Variants in PPARGC1A observed in about 807,000 individuals in gnomAD.
PPARGC1A encodes the protein peroxisome proliferator-activated receptor gamma coactivator 1-alpha.
Under a neutral mutation model 88.7 loss-of-function variants are expected in PPARGC1A, and 25 were observed. The ratio of observed to expected loss-of-function variants is 0.28; its 90% CI spans 0.21 to 0.39. The LOEUF is 0.39. Ranked by LOEUF, PPARGC1A falls within the 10% of genes least tolerant of loss-of-function variation. PPARGC1A has a pLI of 1.00. For missense variants in PPARGC1A, 880 were observed against 968.7 expected (o/e 0.91, Z 1.22); for synonymous variants, 363 against 355.6 (o/e 1.02, Z -0.24).
chr4:24,242,230 C>T, the PPARGC1A span, among the ~76,000 whole-genome samples: 1 of 152,198 alleles, frequency 6.6e-6, no homozygotes, highest in Non-Finnish European at 1.5e-5. Context: ...CCACTCAAGG[C>T]TCCCTTCAGA....
intron 2 of PPARGC1A, among the ~76,000 whole-genome samples, chr4:23,864,418 A>C (rs1037249175): frequency 3.3e-5 from 5 of 152,216 alleles, no homozygotes; most frequent in African/African-American, 9.6e-5. Context: ...TACACAGCAG[A>C]TGCTGAAAAA....
At chr4:24,270,716 T>G in the PPARGC1A span, among the ~76,000 whole-genome samples, 1 of 152,224 alleles carries the variant, frequency 6.6e-6, no homozygotes. Flanking sequence ...GCCGAAGATA[T>G]CCACTGATTG....
the PPARGC1A span, among the ~76,000 whole-genome samples, chr4:24,011,975 G>A: frequency 6.6e-6 from 1 of 152,110 alleles, no homozygotes; most frequent in East Asian, 1.9e-4. Context: ...TACCTAAAAT[G>A]CAACCCAGCA....
chr4:24,064,454 T>TGAGGGGGA, the PPARGC1A span, among the ~76,000 whole-genome samples: 3 of 151,916 alleles, frequency 2.0e-5, no homozygotes, highest in Non-Finnish European at 2.9e-5. Flanking sequence ...CACCACAGGC[T>TGAGGGGGA]GAGGGGGAAA....
the PPARGC1A span, among the ~76,000 whole-genome samples, chr4:24,393,257 G>A: frequency 1.3e-5 from 2 of 152,290 alleles, no homozygotes; most frequent in Non-Finnish European, 2.9e-5. Flanking sequence ...GAGATCTGCA[G>A]GAGGAGGGGA....
At chr4:24,133,865 G>A in the PPARGC1A span, among the ~76,000 whole-genome samples, 1 of 152,150 alleles carries the variant, frequency 6.6e-6, no homozygotes, top group African/African-American at 2.4e-5. Context: ...AGAATAAGGA[G>A]CAAACTTGAG....
chr4:24,066,347 C>A, the PPARGC1A span, among the ~76,000 whole-genome samples: 1 of 152,030 alleles, frequency 6.6e-6, no homozygotes, highest in Non-Finnish European at 1.5e-5. Flanking sequence ...ACAACAATGA[C>A]AAAAAGTTAA....
chr4:23,976,800 A>G, the PPARGC1A span, among the ~76,000 whole-genome samples: 1 of 152,198 alleles, frequency 6.6e-6, no homozygotes, highest in African/African-American at 2.4e-5. Flanking sequence ...TGGCACCTTG[A>G]GCTTGGATTT....
At chr4:24,259,288 C>T in the PPARGC1A span, among the ~76,000 whole-genome samples, 1 of 152,216 alleles carries the variant, frequency 6.6e-6, no homozygotes, top group Non-Finnish European at 1.5e-5. Flanking sequence ...TGCAACAGCA[C>T]TGACCCCTTC....
chr4:24,189,221 T>G, the PPARGC1A span, among the ~76,000 whole-genome samples: 1 of 151,982 alleles, frequency 6.6e-6, no homozygotes, highest in African/African-American at 2.4e-5. Flanking sequence ...GTTCCGGAGA[T>G]GGATGGTGGC....
chr4:24,267,397 C>T, the PPARGC1A span, among the ~76,000 whole-genome samples: 1 of 152,220 alleles, frequency 6.6e-6, no homozygotes, highest in East Asian at 1.9e-4. Context: ...ACTAAGCACT[C>T]AGTAAATGTA....
At position 23,855,056 on chromosome 4, in the gene PPARGC1A, TAGTG is replaced by T. The variant is rs534907171; in HGVS notation, c.235-23309_235-23306del. On this transcript the variant is annotated intron_variant, in intron 2 of 12. Coordinates refer to ENST00000264867, the MANE Select transcript of PPARGC1A (RefSeq NM_013261.5). ...GCACTCCCCGATACTGTTCTCATGGTAGTGAGTAAGTCTCATGAGATCGATGGTT... is the reference window on the plus strand; with the variant it reads ...GCACTCCCCGATACTGTTCTCATGGTAGTAAGTCTCATGAGATCGATGGTT... Among the ~76,000 whole-genome samples, 337 of 152,276 alleles carry T rather than the reference TAGTG, an allele frequency of 2.2e-3. 1 individual carries two copies. The highest frequency in any genetic ancestry group is 7.2e-3 in the African/African-American group (301 of 41,572).
the PPARGC1A span, among the ~76,000 whole-genome samples, chr4:24,388,752 A>C: frequency 2.6e-5 from 4 of 152,050 alleles, no homozygotes; most frequent in Non-Finnish European, 5.9e-5. Context: ...CCTCACTCAT[A>C]AGTGGGAGTT....
chr4:24,229,972 A>G, the PPARGC1A span, among the ~76,000 whole-genome samples: 1 of 152,160 alleles, frequency 6.6e-6, no homozygotes, highest in Non-Finnish European at 1.5e-5. Flanking sequence ...TTGGAAATGC[A>G]GACCAAAATC....
the PPARGC1A span, among the ~76,000 whole-genome samples, chr4:23,910,255 T>TATATATA: frequency 2.1e-3 from 172 of 80,792 alleles, 5 homozygotes; most frequent in Non-Finnish European, 4.1e-3. Context: ...AAATATATAT[T>TATATATA]ATATATATTA....
the PPARGC1A span, among the ~76,000 whole-genome samples, chr4:24,402,774 C>T: frequency 2.6e-5 from 4 of 152,212 alleles, no homozygotes; most frequent in African/African-American, 9.6e-5. Context: ...GCTCCCTACT[C>T]ACCAAGCACC....
the PPARGC1A span, among the ~76,000 whole-genome samples, chr4:24,195,529 A>G: frequency 5.3e-5 from 8 of 152,198 alleles, no homozygotes; most frequent in African/African-American, 1.9e-4. Flanking sequence ...TTGTTTAAGA[A>G]TTTGGGAAGG....
the PPARGC1A span, among the ~76,000 whole-genome samples, chr4:24,232,533 A>G: frequency 6.6e-6 from 1 of 152,236 alleles, no homozygotes; most frequent in African/African-American, 2.4e-5. Context: ...ATATTTCACT[A>G]TATCACGGGA....
At chr4:23,997,916 G>A in the PPARGC1A span, among the ~76,000 whole-genome samples, 4 of 152,234 alleles carry the variant, frequency 2.6e-5, no homozygotes, top group African/African-American at 9.6e-5. Flanking sequence ...TAATTTAAAA[G>A]GGACATTTCT....
Sources: allele counts gnomAD v4.1 joint callset (sites outside exome capture counted in the v4.1 genomes callset), GRCh38; gene constraint gnomAD v4.1.1; transcripts MANE v1.5; gene names NCBI Gene and HGNC (gene_info 2026-07-23, HGNC 2026-07-21).